CCDC33: variants seen among roughly 807,000 people sequenced by gnomAD.
CCDC33 encodes the protein coiled-coil domain-containing protein 33.
Under a neutral mutation model 91.9 loss-of-function variants are expected in CCDC33, and 94 were observed. The observed-to-expected ratio is 1.02, with a 90% CI of 0.87 to 1.21. The LOEUF (loss-of-function observed/expected upper bound fraction) is 1.21, where lower values mean the gene tolerates loss of function less well. Among genes scored for constraint, CCDC33 ranks in the 50% most tolerant of loss-of-function variants. The pLI is 0.00. For synonymous variants in CCDC33, 396 were observed against 374.5 expected, an observed-to-expected ratio of 1.06 and a Z score of -0.66; for missense variants, 940 against 935.5, an observed-to-expected ratio of 1.00 and a Z score of -0.06.
Position 74,218,572 on chromosome 15 carries a change from G to T in CCDC33, c.386G>T (p.Arg129Leu), listed in dbSNP as rs1009121104. 7 of 1,289,700 alleles carry T rather than the reference G, an allele frequency of 5.4e-6. No individual in the cohort carries two copies. The African/African-American group carries it at 1.1e-4, about 20-fold the overall frequency. 79.9% of individuals were successfully genotyped at this position (1,289,700 alleles called of 1,614,324 possible). A position where few individuals can be genotyped will look rare whatever the true frequency, so the allele number is the denominator to read the frequency against. ...CTGAGGCTGGACGAACCCTTGGGAC[G>T]GGCAGCCCAGCGGGTGGGTGAGGCC... The change falls in exon 2 of 3, where the codon CGG becomes CTG. Residue 129 changes from arginine (R) to leucine (L), a missense_variant. Physicochemically the swap from Arg to Leu is moderately radical, Grantham distance 102. Transcript: ENST00000635913. This position sits in a 1 kb window ranked among gnomAD's most constrained non-coding sequence, Gnocchi z 4.8.
In CCDC33 at chr15:74,304,773, C is replaced by T. The variant is rs533434656; in HGVS notation, c.1290+8825C>T. On this transcript the variant is annotated intron_variant, in intron 11 of 18. Coordinates refer to ENST00000398814, the MANE Select transcript of CCDC33 (RefSeq NM_025055.5). Reference sequence around the variant, plus strand: ...AGTCCGGTGGGCCTGTCTTCCTGACCGACTTGGCCAGGTACCTAAGCTGAT... The same window carrying T: ...AGTCCGGTGGGCCTGTCTTCCTGACTGACTTGGCCAGGTACCTAAGCTGAT... 7.9e-5 allele frequency among the ~76,000 whole-genome samples: 12 copies of T among 152,076 alleles called. No homozygotes were observed. In the South Asian group the frequency reaches 8.3e-4, roughly 11 times the overall value.
chr15:74,207,873 C>A, intron 1 of CCDC33: 1 of 1,515,804 alleles, frequency 6.6e-7, no homozygotes, highest in Non-Finnish European at 8.8e-7. Context: ...TGACTCCACA[C>A]AGTGGGCTGG....
chr15:74,221,968 G>A (rs1000066575), intron 2 of CCDC33, among the ~76,000 whole-genome samples: 1 of 152,304 alleles, frequency 6.6e-6, no homozygotes, highest in South Asian at 2.1e-4. Context: ...CATCAGACCA[G>A]ATGAGGGTGG....
chr15:74,300,991 G>C (rs112578055), intron 11 of CCDC33: 1 of 152,270 alleles, frequency 6.6e-6, no homozygotes, highest in Non-Finnish European at 1.5e-5. Context: ...GGTCCCATGG[G>C]TATGGTCTTG....
intron 11 of CCDC33, among the ~76,000 whole-genome samples, chr15:74,308,249 G>A (rs1176133720): frequency 1.3e-5 from 2 of 152,100 alleles, no homozygotes; most frequent in Non-Finnish European, 2.9e-5. Flanking sequence ...CTAGCTTGGT[G>A]ACTCTATCAG....
chr15:74,336,027 G>A lies in CCDC33; in HGVS notation c.2242G>A (p.Glu748Lys), dbSNP rs555897836. 3 of 1,613,938 alleles carry A rather than the reference G, an allele frequency of 1.9e-6. No individual in the cohort carries two copies. The Admixed American group carries it at 5.0e-5, about 27-fold the overall frequency. The change falls in exon 19 of 19, where the codon GAG becomes AAG. Residue 748 changes from glutamate to lysine, a missense_variant. Transcript: ENST00000398814. ...CAACAAGCCCTTGAGCCCCCAGAAG[G>A]AGACCGCTAACTCTCAGCAGACCTG... ...KLNKPLSPQK[E>K]TANSQQT is the part of the protein sequence containing the mutation.
intron 1 of CCDC33, among the ~76,000 whole-genome samples, chr15:74,208,589 GCTCC>G (rs2074315121): frequency 6.6e-6 from 1 of 152,114 alleles, no homozygotes; most frequent in Non-Finnish European, 1.5e-5. Context: ...GCCTTTTGGA[GCTCC>G]TGCTAGCCCC....
At chr15:74,272,734 A>C in intron 6 of CCDC33, 37 bp from the exon 7 acceptor site, 1 of 1,607,950 alleles carries the variant, frequency 6.2e-7, no homozygotes, top group Non-Finnish European at 8.5e-7. Flanking sequence ...TCAGGTGCAG[A>C]GCCCAGAGCA....
chr15:74,221,824 T>A (rs1444127845), intron 2 of CCDC33, among the ~76,000 whole-genome samples: 1 of 152,046 alleles, frequency 6.6e-6, no homozygotes, highest in Non-Finnish European at 1.5e-5. Flanking sequence ...GGTGCTTCCT[T>A]TCTGGGTAGA....
At chr15:74,291,583 A>G (rs2142566929) in intron 10 of CCDC33, among the ~76,000 whole-genome samples, 1 of 152,354 alleles carries the variant, frequency 6.6e-6, no homozygotes, top group South Asian at 2.1e-4. Flanking sequence ...TTGAATTAAG[A>G]GCATGTGCGC....
intron 11 of CCDC33, among the ~76,000 whole-genome samples, chr15:74,307,789 A>T (rs2059917280): frequency 1.3e-5 from 2 of 152,076 alleles, no homozygotes; most frequent in South Asian, 2.1e-4. Flanking sequence ...AATATGTTCC[A>T]TTCCTCTACC....
At chr15:74,287,838 A>T (rs1157125119) in intron 10 of CCDC33, among the ~76,000 whole-genome samples, 1 of 152,158 alleles carries the variant, frequency 6.6e-6, no homozygotes, top group African/African-American at 2.4e-5. Context: ...GGCAGGAGAG[A>T]CATGAGAGTC....
chr15:74,214,350 C>T (rs1425046624), upstream of CCDC33, among the ~76,000 whole-genome samples: 2 of 152,124 alleles, frequency 1.3e-5, no homozygotes, highest in Non-Finnish European at 2.9e-5. Context: ...TGCTCCCTTC[C>T]TGCCTCCCTC....
intron 5 of CCDC33, among the ~76,000 whole-genome samples, chr15:74,270,113 C>G (rs1302009458): frequency 6.6e-6 from 1 of 152,190 alleles, no homozygotes; most frequent in African/African-American, 2.4e-5. Context: ...TCTCCAGAGC[C>G]CTCAGTGAGA....
chr15:74,260,758 G>A (rs367879093), intron 2 of CCDC33, among the ~76,000 whole-genome samples: 6 of 152,280 alleles, frequency 3.9e-5, no homozygotes, highest in African/African-American at 1.4e-4. Context: ...ACCCAGAACT[G>A]GGGGCATGAT....
At chr15:74,288,373 G>A (rs565317423) in intron 10 of CCDC33, among the ~76,000 whole-genome samples, 3 of 152,248 alleles carry the variant, frequency 2.0e-5, no homozygotes, top group East Asian at 3.9e-4. Flanking sequence ...CCTGCTGATT[G>A]TCTCCTCTTG....
exon 1 of CCDC33, chr15:74,203,045 C>T: frequency 1.0e-6 from 1 of 985,902 alleles, no homozygotes; most frequent in Non-Finnish European, 1.2e-6. Flanking sequence ...CCCCTGCCCG[C>T]CACATCTGCA....
At chr15:74,264,242 GT>G (rs1265831716) in intron 3 of CCDC33, among the ~76,000 whole-genome samples, 1 of 151,922 alleles carries the variant, frequency 6.6e-6, no homozygotes, top group Non-Finnish European at 1.5e-5. Context: ...CGGGGGAAGG[GT>G]GGGAGGTAGC....
chr15:74,290,180 T>C (rs1228572967), intron 10 of CCDC33, among the ~76,000 whole-genome samples: 2 of 102,194 alleles, frequency 2.0e-5, no homozygotes, highest in African/African-American at 5.5e-5. Context: ...AGGTTTCTTT[T>C]CCTTTTTTTT....
Sources: allele counts gnomAD v4.1 joint callset (sites outside exome capture counted in the v4.1 genomes callset), GRCh38; gene constraint gnomAD v4.1.1; non-coding constraint Gnocchi (gnomAD v3.1); transcripts MANE v1.5; gene names NCBI Gene and HGNC (gene_info 2026-07-23, HGNC 2026-07-21).